Variants in SPRY3 observed in about 807,000 individuals in gnomAD.
SPRY3 encodes sprouty RTK signaling antagonist 3.
A neutral mutation model predicts 20.2 loss-of-function variants in SPRY3; 15 were observed. The observed-to-expected ratio is 0.74, with a 90% CI of 0.50 to 1.14. SPRY3 has a LOEUF of 1.14. Ranked by LOEUF, SPRY3 falls within the 50% of genes most tolerant of loss-of-function variation. The pLI, the probability that SPRY3 is intolerant of heterozygous loss-of-function variation, is 0.00. For missense variants in SPRY3, 364 were observed against 363.9 expected (o/e 1.00, Z 0.00); for synonymous variants, 143 against 136.5 (o/e 1.05, Z -0.33).
At chrX:155,662,417 G>C (rs1316212918) in intron 2 of SPRY3, among the ~76,000 whole-genome samples, 1 of 110,804 alleles carries the variant, frequency 9.0e-6, no homozygotes, top group Non-Finnish European at 1.9e-5. Context: ...GCCTACTGTA[G>C]AGATAGGGAC....
chrX:155,627,827 A>C (rs1179960430), intron 1 of SPRY3, among the ~76,000 whole-genome samples: 2 of 105,682 alleles, frequency 1.9e-5, no homozygotes, highest in Non-Finnish European at 3.9e-5. Context: ...ACCCCCCAAC[A>C]GGCCCGTTAT....
At chrX:155,740,467 C>T (rs934098136) in intron 2 of SPRY3, among the ~76,000 whole-genome samples, 1 of 151,940 alleles carries the variant, frequency 6.6e-6, no homozygotes, top group African/African-American at 2.4e-5. Flanking sequence ...TAATTAAGAC[C>T]CTGGGAAAGG....
intron 2 of SPRY3, among the ~76,000 whole-genome samples, chrX:155,713,388 A>G (rs1365264658): frequency 6.6e-6 from 1 of 151,992 alleles, no homozygotes; most frequent in Non-Finnish European, 1.5e-5. Context: ...TTTTTGTAGG[A>G]CAGGTCTGGA....
intron 1 of SPRY3, among the ~76,000 whole-genome samples, chrX:155,656,858 C>T (rs1318084376): frequency 8.9e-6 from 1 of 111,818 alleles, no homozygotes; most frequent in Non-Finnish European, 1.9e-5. Flanking sequence ...TCAGGCCCCT[C>T]TTCTGCAGGT....
chrX:155,687,677 G>T (rs774431133), intron 2 of SPRY3, among the ~76,000 whole-genome samples: 1 of 112,068 alleles, frequency 8.9e-6, no homozygotes, highest in Non-Finnish European at 1.9e-5. Flanking sequence ...ATGACTTTAA[G>T]TCCAGCAGAA....
At chrX:155,685,648 A>G (rs1464362346) in intron 2 of SPRY3, among the ~76,000 whole-genome samples, 3 of 111,157 alleles carry the variant, frequency 2.7e-5, no homozygotes, top group Non-Finnish European at 5.7e-5. Flanking sequence ...CCCACTTATA[A>G]GTGAGAATAT....
chrX:155,731,000 A>T (rs2091129012), intron 2 of SPRY3, among the ~76,000 whole-genome samples: 4 of 152,076 alleles, frequency 2.6e-5, no homozygotes. Flanking sequence ...TGATGAAAGA[A>T]ATTGCAGAGG....
At chrX:155,704,994 T>C (rs1343755629) in intron 2 of SPRY3, among the ~76,000 whole-genome samples, 1 of 151,474 alleles carries the variant, frequency 6.6e-6, no homozygotes, top group Non-Finnish European at 1.5e-5. Flanking sequence ...AGAAGACTCA[T>C]TCTACAAGAT....
At chrX:155,753,077 C>G (rs5940570) in intron 2 of SPRY3, among the ~76,000 whole-genome samples, 1 of 151,806 alleles carries the variant, frequency 6.6e-6, no homozygotes, top group Non-Finnish European at 1.5e-5. Context: ...CAAATGTATT[C>G]TTTAAAAAAC....
At position 155,706,259 on chromosome X, in the gene SPRY3, T is replaced by A. The variant is rs1271393332; in HGVS notation, c.-282+49234T>A. Among the ~76,000 whole-genome samples, 5 of 151,200 alleles carry A rather than the reference T, an allele frequency of 3.3e-5. No individual in the cohort carries two copies. The East Asian group carries it at 7.8e-4, about 23-fold the overall frequency. On this transcript the variant is annotated intron_variant, in intron 2 of 3. Transcript: ENST00000675360. ...GTAAATTGAACAACATCCATCTAAG[T>A]CACCCAATGATCAGAGAAGAAATAT...
intron 2 of SPRY3, among the ~76,000 whole-genome samples, chrX:155,709,278 T>C (rs940051468): frequency 6.6e-6 from 1 of 151,756 alleles, no homozygotes; most frequent in African/African-American, 2.4e-5. Flanking sequence ...CTAATTTACA[T>C]TCCCGCCAAC....
chrX:155,741,497 A>G (rs1212875557), intron 2 of SPRY3, among the ~76,000 whole-genome samples: 1 of 152,154 alleles, frequency 6.6e-6, no homozygotes, highest in Non-Finnish European at 1.5e-5. Context: ...CAGGAAATCC[A>G]GAGAACCCCA....
downstream of SPRY3, chrX:155,780,173 A>G (rs767876203): frequency 1.2e-5 from 2 of 167,076 alleles, no homozygotes; most frequent in South Asian, 4.1e-4. Context: ...TAACCCACAC[A>G]TTGTCATTCC....
chrX:155,722,193 T>C (rs114461951), intron 2 of SPRY3, among the ~76,000 whole-genome samples: 284 of 152,224 alleles, frequency 1.9e-3, no homozygotes, highest in African/African-American at 6.5e-3. Context: ...AGTCTCATGG[T>C]AACCTGAAAT....
chrX:155,662,112 A>AT (rs2068011691), intron 2 of SPRY3, among the ~76,000 whole-genome samples: 2 of 111,646 alleles, frequency 1.8e-5, no homozygotes, highest in South Asian at 3.7e-4. Flanking sequence ...GAAACACTTC[A>AT]TTTTTTATAC....
At chrX:155,684,687 C>T (rs1336017486) in intron 2 of SPRY3, among the ~76,000 whole-genome samples, 1 of 111,771 alleles carries the variant, frequency 8.9e-6, no homozygotes, top group African/African-American at 3.3e-5. Context: ...ATTATTTTTA[C>T]CCAGATATTT....
chrX:155,723,900 G>A (rs1356554107), intron 2 of SPRY3, among the ~76,000 whole-genome samples: 1 of 152,060 alleles, frequency 6.6e-6, no homozygotes, highest in Non-Finnish European at 1.5e-5. Context: ...TTTCTTCCAG[G>A]GTTTTTAATG....
intron 2 of SPRY3, among the ~76,000 whole-genome samples, chrX:155,735,015 T>C (rs764846656): frequency 4.6e-5 from 7 of 151,882 alleles, no homozygotes; most frequent in Admixed American, 1.3e-4. Context: ...AAGCACTGCT[T>C]TTGCTACATT....
exon 4 of SPRY3, chrX:155,774,936 C>T: frequency 1.6e-6 from 1 of 640,570 alleles, no homozygotes. Context: ...CTATCCCACT[C>T]CTCTTCAGTC....
Sources: allele counts gnomAD v4.1 joint callset (sites outside exome capture counted in the v4.1 genomes callset), GRCh38; gene constraint gnomAD v4.1.1; transcripts MANE v1.5; gene names NCBI Gene and HGNC (gene_info 2026-07-23, HGNC 2026-07-21).